Variants in THSD7B observed in about 807,000 individuals in gnomAD.
The protein encoded by THSD7B is thrombospondin type 1 domain containing 7B, also known as thrombospondin type-1 domain-containing protein 7B.
Under a neutral mutation model 213.6 loss-of-function variants are expected in THSD7B, and 138 were observed. The ratio of observed to expected loss-of-function variants is 0.65; its 90% CI spans 0.56 to 0.74. The LOEUF is 0.74. Among genes scored for constraint, THSD7B ranks in the 30% least tolerant of loss-of-function variants. The probability of loss-of-function intolerance (pLI) is 0.00; values close to 1 mark genes in which losing one functional copy is unlikely to be tolerated. For missense variants in THSD7B, 1,931 were observed against 1,991.5 expected (o/e 0.97, Z 0.58); for synonymous variants, 742 against 687.0 (o/e 1.08, Z -1.25).
chr2:137,382,606 T>C (rs1164680953), intron 12 of THSD7B, among the ~76,000 whole-genome samples: 1 of 152,248 alleles, frequency 6.6e-6, no homozygotes, highest in Non-Finnish European at 1.5e-5. Context: ...GCAGTCATCA[T>C]GCAGATGACT....
chr2:137,099,075 C>T (rs936727621), intron 4 of THSD7B, among the ~76,000 whole-genome samples: 6 of 152,128 alleles, frequency 3.9e-5, no homozygotes, highest in Non-Finnish European at 8.8e-5. Context: ...CCTCCCCAAC[C>T]TCTAGTGTGT....
intron 15 of THSD7B, among the ~76,000 whole-genome samples, chr2:137,556,221 A>G (rs1318957212): frequency 1.3e-5 from 2 of 152,136 alleles, no homozygotes; most frequent in Non-Finnish European, 2.9e-5. Context: ...GAGAAGAGCA[A>G]CTCCCAGACA....
chr2:137,138,324 G>T (rs770046065), intron 5 of THSD7B, among the ~76,000 whole-genome samples: 1 of 152,140 alleles, frequency 6.6e-6, no homozygotes, highest in Non-Finnish European at 1.5e-5. Context: ...CAAATAGATT[G>T]TACCACTTTA....
chr2:136,987,689 C>T (rs2104812794), intron 2 of THSD7B, among the ~76,000 whole-genome samples: 1 of 152,286 alleles, frequency 6.6e-6, no homozygotes, highest in Non-Finnish European at 1.5e-5. Flanking sequence ...TGGATTATCC[C>T]CTCGATATTT....
chr2:137,020,575 T>C (rs1403510584), intron 2 of THSD7B, among the ~76,000 whole-genome samples: 1 of 152,110 alleles, frequency 6.6e-6, no homozygotes, highest in African/African-American at 2.4e-5. Context: ...AAGCTAATCA[T>C]AGCAGTTATG....
At chr2:136,840,689 A>G (rs1682908186) in intron 1 of THSD7B, among the ~76,000 whole-genome samples, 2 of 152,180 alleles carry the variant, frequency 1.3e-5, no homozygotes, top group South Asian at 4.1e-4. Context: ...GATGGGGGTC[A>G]CTGGAGAATT....
chr2:136,953,846 G>A (rs937130222), intron 2 of THSD7B, among the ~76,000 whole-genome samples: 1 of 152,046 alleles, frequency 6.6e-6, no homozygotes, highest in South Asian at 2.1e-4. Context: ...CTTTCCTGTC[G>A]AGGTACTTAA....
chr2:136,810,311 G>T (rs1049569783), intron 1 of THSD7B, among the ~76,000 whole-genome samples: 7 of 152,118 alleles, frequency 4.6e-5, no homozygotes, highest in Admixed American at 2.6e-4. Flanking sequence ...AACAGACCTA[G>T]GTCATTTGTT....
At chr2:137,573,039 C>G (rs1681388442) in intron 17 of THSD7B, among the ~76,000 whole-genome samples, 2 of 149,954 alleles carry the variant, frequency 1.3e-5, no homozygotes, top group Admixed American at 1.3e-4. Flanking sequence ...GTTTCTACTT[C>G]TTCCAAAGCT....
At chr2:137,093,724 T>A (rs751920382) in intron 3 of THSD7B, among the ~76,000 whole-genome samples, 3 of 152,192 alleles carry the variant, frequency 2.0e-5, no homozygotes, top group African/African-American at 7.2e-5. Flanking sequence ...AATGCTTTTA[T>A]GTTGGGCTGG....
rs183648200 is a variant in THSD7B, at chr2:137,412,345, A to T, written c.2959+473A>T. On this transcript the variant is annotated intron_variant, in intron 14 of 27. Coordinates refer to ENST00000409968, the MANE Select transcript of THSD7B (RefSeq NM_001316349.2). The stretch of plus-strand genomic sequence containing the variant: ...GCCAGGCGCGGTGGCTCACGCCTGT[A>T]ATCCCAGCACTTTGAGAGGCCGAGG... 4.2e-4 allele frequency among the ~76,000 whole-genome samples: 64 copies of T among 152,180 alleles called. 1 individual carries two copies. Among genetic ancestry groups the T allele is most frequent in the African/African-American group, 1.5e-3 (63 of 41,552 alleles).
chr2:137,500,789 T>G (rs886577886), intron 15 of THSD7B, among the ~76,000 whole-genome samples: 1 of 152,218 alleles, frequency 6.6e-6, no homozygotes, highest in African/African-American at 2.4e-5. Flanking sequence ...GGCATTTCTA[T>G]GCACATGAAG....
At chr2:136,915,910 T>C (rs1023569159) in intron 2 of THSD7B, among the ~76,000 whole-genome samples, 8 of 152,364 alleles carry the variant, frequency 5.3e-5, no homozygotes, top group East Asian at 1.9e-4. Context: ...GTTTCAGGTC[T>C]GTAAGTTTAT....
intron 2 of THSD7B, among the ~76,000 whole-genome samples, chr2:137,000,942 T>C (rs978551728): frequency 2.6e-5 from 4 of 152,124 alleles, no homozygotes; most frequent in Admixed American, 2.0e-4. Flanking sequence ...GAGTAATGTT[T>C]GCTTATTTTA....
chr2:137,107,748 A>G (rs1213599914), intron 4 of THSD7B, among the ~76,000 whole-genome samples: 1 of 152,184 alleles, frequency 6.6e-6, no homozygotes, highest in South Asian at 2.1e-4. Context: ...TTAGTGTAAG[A>G]AAGTTAACGT....
In THSD7B at chr2:137,216,363, A is replaced by T. The variant is rs527907662; in HGVS notation, c.1724-14681A>T. On this transcript the variant is annotated intron_variant, in intron 7 of 27. Coordinates refer to ENST00000409968, the MANE Select transcript of THSD7B (RefSeq NM_001316349.2). ...TAGAGAAACAATATTGCATTCTCTA[A>T]CTCTGGGGCTTTCCTTATTTTCAGG... is the stretch of plus-strand genomic sequence containing the variant. 2.1e-5 allele frequency among the ~76,000 whole-genome samples: 3 copies of T among 144,240 alleles called. No individual in the cohort carries two copies. In the East Asian group the frequency reaches 6.3e-4, roughly 30 times the overall value. 94.6% of individuals were successfully genotyped at this position (144,240 alleles called of 152,430 possible). A position where few individuals can be genotyped will look rare whatever the true frequency, so the allele number is the denominator to read the frequency against.
intron 12 of THSD7B, among the ~76,000 whole-genome samples, chr2:137,353,763 A>G (rs1685065772): frequency 6.6e-6 from 1 of 152,128 alleles, no homozygotes; most frequent in African/African-American, 2.4e-5. Flanking sequence ...TAGAAGCTTC[A>G]ACCACACAAA....
At chr2:137,328,811 G>A (rs1030946113) in intron 12 of THSD7B, among the ~76,000 whole-genome samples, 3 of 152,210 alleles carry the variant, frequency 2.0e-5, no homozygotes, top group South Asian at 2.1e-4. Context: ...TTTTATAAGG[G>A]CCCCCTCCCC....
chr2:137,535,272 G>C (rs1313692038), intron 15 of THSD7B, among the ~76,000 whole-genome samples: 1 of 151,458 alleles, frequency 6.6e-6, no homozygotes, highest in East Asian at 1.9e-4. Context: ...TGGAAGTATA[G>C]AGGAGGTATA....
Sources: allele counts gnomAD v4.1 joint callset (sites outside exome capture counted in the v4.1 genomes callset), GRCh38; gene constraint gnomAD v4.1.1; transcripts MANE v1.5; gene names NCBI Gene and HGNC (gene_info 2026-07-23, HGNC 2026-07-21).